Variants in KAZN observed in about 807,000 individuals in gnomAD.
KAZN encodes kazrin, periplakin interacting protein, also known as kazrin.
A neutral mutation model predicts 87.4 loss-of-function variants in KAZN; 40 were observed. The ratio of observed to expected loss-of-function variants is 0.46; its 90% CI spans 0.36 to 0.60. The LOEUF is 0.60. Among genes scored for constraint, KAZN ranks in the 20% least tolerant of loss-of-function variants. The pLI is 0.00. For synonymous variants in KAZN, 466 were observed against 458.3 expected, an observed-to-expected ratio of 1.02 and a Z score of -0.22; for missense variants, 898 against 1,073.9, an observed-to-expected ratio of 0.84 and a Z score of 2.29.
chr1:14,228,264 C>A (rs1647478612), intron 2 of KAZN, among the ~76,000 whole-genome samples: 2 of 152,180 alleles, frequency 1.3e-5, no homozygotes, highest in African/African-American at 2.4e-5. Context: ...TTATGTTATG[C>A]ACCATCTTAC....
At chr1:14,300,047 T>C (rs1270810883) in intron 2 of KAZN, among the ~76,000 whole-genome samples, 1 of 151,810 alleles carries the variant, frequency 6.6e-6, no homozygotes, top group Non-Finnish European at 1.5e-5. Context: ...TAGAGGAGAA[T>C]GGTGTACTTG....
intron 1 of KAZN, among the ~76,000 whole-genome samples, chr1:14,119,338 A>G (rs998016694): frequency 3.3e-5 from 5 of 152,144 alleles, no homozygotes; most frequent in African/African-American, 9.7e-5. Context: ...GGCAGATAAG[A>G]GACTTAAGTC....
intron 1 of KAZN, among the ~76,000 whole-genome samples, chr1:13,919,242 G>A (rs10803436): frequency 0.41 from 62,772 of 151,960 alleles, 13,734 homozygotes; most frequent in East Asian, 0.69. Flanking sequence ...CACGACCTCT[G>A]TCCTGACTTC....
chr1:14,551,629 T>G (rs902018710), intron 2 of KAZN, among the ~76,000 whole-genome samples: 14 of 152,292 alleles, frequency 9.2e-5, no homozygotes, highest in African/African-American at 3.4e-4. Context: ...CTCCCATATG[T>G]TAATAGCGAC....
At chr1:14,974,720 A>G (rs1475374236) in intron 2 of KAZN, among the ~76,000 whole-genome samples, 1 of 152,226 alleles carries the variant, frequency 6.6e-6, no homozygotes, top group Non-Finnish European at 1.5e-5. Flanking sequence ...AAATGTATAT[A>G]GGATATGATT....
chr1:14,931,663 A>G (rs1261235026), intron 1 of KAZN, among the ~76,000 whole-genome samples: 1 of 152,138 alleles, frequency 6.6e-6, no homozygotes, highest in African/African-American at 2.4e-5. Context: ...TAATTTTGGC[A>G]TTCCACAGAT....
intron 2 of KAZN, among the ~76,000 whole-genome samples, chr1:14,429,674 T>C (rs1311787610): frequency 2.0e-5 from 3 of 152,076 alleles, no homozygotes; most frequent in Non-Finnish European, 4.4e-5. Flanking sequence ...TTGTTTGCAT[T>C]TGAGGAATTA....
chr1:14,839,992 T>C (rs1647756816), intron 1 of KAZN, among the ~76,000 whole-genome samples: 1 of 152,106 alleles, frequency 6.6e-6, no homozygotes, highest in African/African-American at 2.4e-5. Context: ...CCTGTCCCTC[T>C]AGGAGCTCCA....
Position 15,094,326 on chromosome 1 carries a change from G to A in KAZN, c.1369G>A (p.Val457Met). The change falls in exon 9 of 15, where the codon GTG (valine) becomes ATG (methionine). Residue 457 changes from valine (V) to methionine (M), a missense_variant. Val to Met is a conservative substitution (Grantham distance 21, BLOSUM62 1). This residue lies in a region of KAZN where 521 missense variants were observed against 689.4 expected (regional missense o/e 0.76). Coordinates refer to ENST00000376030, the MANE Select transcript of KAZN (RefSeq NM_201628.3). This position sits in a 1 kb window ranked among gnomAD's most constrained non-coding sequence, Gnocchi z 4.5. ...KAGTVQAWLE[V>M]VMAMPMYVKA... ...GGGCACCGTCCAGGCCTGGCTGGAGGTGGTGATGGCCATGCCTATGTACGT... is the reference window on the plus strand; with the variant it reads ...GGGCACCGTCCAGGCCTGGCTGGAGATGGTGATGGCCATGCCTATGTACGT... 3.1e-6 allele frequency: 5 copies of A among 1,613,938 alleles called. No individual in the cohort carries two copies. Among genetic ancestry groups the A allele is most frequent in the Non-Finnish European group, 3.4e-6 (4 of 1,179,862 alleles).
intron 1 of KAZN, among the ~76,000 whole-genome samples, chr1:14,854,376 A>G (rs1386656511): frequency 1.3e-5 from 2 of 152,190 alleles, no homozygotes; most frequent in Non-Finnish European, 2.9e-5. Context: ...TTGTGTTGCT[A>G]TAACAGAATA....
At chr1:14,200,962 A>G (rs1268540731) in intron 2 of KAZN, among the ~76,000 whole-genome samples, 1 of 152,200 alleles carries the variant, frequency 6.6e-6, no homozygotes, top group Non-Finnish European at 1.5e-5. Flanking sequence ...ACTCAAACAC[A>G]AACTTTCCTC....
rs768749149 is a variant in KAZN, at chr1:14,960,820, G to A, written c.363G>A (p.Arg121=). ...AGGTCCTCTCGGCCACCGAGCTCAGGGTCCAGCTGGCCCAGAAGGAGCAGG... is the reference window on the plus strand; with the variant it reads ...AGGTCCTCTCGGCCACCGAGCTCAGAGTCCAGCTGGCCCAGAAGGAGCAGG... ...SSEVLSATEL[R]VQLAQKEQEL... The change falls in exon 2 of 15, where the codon AGG becomes AGA. Residue 121 remains arginine, a synonymous_variant. Transcript: ENST00000376030. 3 of 1,613,094 alleles carry A rather than the reference G, an allele frequency of 1.9e-6. No individual in the cohort carries two copies. The East Asian group carries it at 6.7e-5, about 36-fold the overall frequency.
intron 5 of KAZN, among the ~76,000 whole-genome samples, chr1:15,059,569 G>A (rs1638603845): frequency 6.6e-6 from 1 of 152,190 alleles, no homozygotes; most frequent in East Asian, 1.9e-4. Context: ...TGGTCTTCCA[G>A]GCGAGAGTCA....
chr1:13,981,099 A>ATATATATATATATATATG (rs1327997279), intron 1 of KAZN, among the ~76,000 whole-genome samples: 1 of 130,202 alleles, frequency 7.7e-6, no homozygotes, highest in East Asian at 2.1e-4. Flanking sequence ...TTATATATAT[A>ATATATATATATATATATG]TATATATATA....
intron 1 of KAZN, among the ~76,000 whole-genome samples, chr1:14,655,786 G>A (rs747002608): frequency 1.3e-5 from 2 of 152,160 alleles, no homozygotes; most frequent in Admixed American, 6.5e-5. Flanking sequence ...GGGTCTAGGG[G>A]TGGGAAGTGT....
intron 1 of KAZN, among the ~76,000 whole-genome samples, chr1:14,957,809 A>G (rs574270876): frequency 1.2e-4 from 18 of 152,332 alleles, no homozygotes; most frequent in African/African-American, 4.1e-4. Context: ...AGAGGCAGCT[A>G]ATATGCTAGG....
chr1:14,667,443 G>A (rs952375744), intron 1 of KAZN, among the ~76,000 whole-genome samples: 22 of 152,198 alleles, frequency 1.4e-4, no homozygotes, highest in Admixed American at 1.4e-3. Context: ...GAGAAAAATT[G>A]TTATTTTAGC....
chr1:14,017,059 T>C (rs1371154436), intron 1 of KAZN, among the ~76,000 whole-genome samples: 2 of 152,214 alleles, frequency 1.3e-5, no homozygotes, highest in Admixed American at 1.3e-4. Flanking sequence ...CTGGTCTATG[T>C]CCTGTCAGCC....
At chr1:14,516,972 A>G (rs1420787838) in intron 2 of KAZN, among the ~76,000 whole-genome samples, 1 of 152,166 alleles carries the variant, frequency 6.6e-6, no homozygotes, top group African/African-American at 2.4e-5. Context: ...GTACCCATTT[A>G]CTAGTTTTCT....
Sources: allele counts gnomAD v4.1 joint callset (sites outside exome capture counted in the v4.1 genomes callset), GRCh38; gene constraint gnomAD v4.1.1; regional missense constraint gnomAD v4.1.1; non-coding constraint Gnocchi (gnomAD v3.1); transcripts MANE v1.5; gene names NCBI Gene and HGNC (gene_info 2026-07-23, HGNC 2026-07-21).